The following SUGCT variants were observed in gnomAD, a reference collection of about 807,000 sequenced individuals.
SUGCT encodes succinyl-CoA:glutarate-CoA transferase.
SUGCT carries 41 observed loss-of-function variants against 55.0 expected under a neutral mutation model. That is an observed-to-expected ratio of 0.74 (90% CI 0.58 to 0.97). SUGCT has a LOEUF of 0.97. Ranked by LOEUF, SUGCT falls within the 50% of genes least tolerant of loss-of-function variation. SUGCT has a pLI of 0.00. For synonymous variants in SUGCT, 187 were observed against 200.4 expected (o/e 0.93, Z 0.56); for missense variants, 568 against 547.8 (o/e 1.04, Z -0.37).
At chr7:40,223,539 C>T (rs566040913) in intron 6 of SUGCT, among the ~76,000 whole-genome samples, 1 of 152,320 alleles carries the variant, frequency 6.6e-6, no homozygotes, top group Admixed American at 6.5e-5. Context: ...ACCAGGGCCA[C>T]CACATGTTTT....
chr7:40,493,366 A>T (rs543873216), intron 11 of SUGCT, among the ~76,000 whole-genome samples: 62 of 151,740 alleles, frequency 4.1e-4, no homozygotes, highest in South Asian at 1.9e-3. Context: ...ATTATTTCCA[A>T]CTCTCACCTT....
At chr7:40,452,845 G>GTGATC (rs2151434594) in intron 10 of SUGCT, among the ~76,000 whole-genome samples, 1 of 152,250 alleles carries the variant, frequency 6.6e-6, no homozygotes, top group African/African-American at 2.4e-5. Context: ...CCCGAGCACG[G>GTGATC]TGATCATACC....
At chr7:40,732,766 T>C (rs1469742325) in intron 12 of SUGCT, among the ~76,000 whole-genome samples, 1 of 152,144 alleles carries the variant, frequency 6.6e-6, no homozygotes, top group African/African-American at 2.4e-5. Context: ...TGACTATCCA[T>C]GCTGAAACAG....
intron 3 of SUGCT, among the ~76,000 whole-genome samples, chr7:40,185,364 A>T: frequency 6.6e-6 from 1 of 152,004 alleles, no homozygotes; most frequent in African/African-American, 2.4e-5. Context: ...TATTAATTTT[A>T]TAAATTGTTG....
chr7:40,325,590 C>T (rs1454111860), intron 9 of SUGCT, among the ~76,000 whole-genome samples: 1 of 152,106 alleles, frequency 6.6e-6, no homozygotes, highest in African/African-American at 2.4e-5. Flanking sequence ...GGTTTTAAAA[C>T]TTGTTTCTGT....
chr7:40,716,978 A>G (rs1786056215), intron 12 of SUGCT, among the ~76,000 whole-genome samples: 1 of 152,190 alleles, frequency 6.6e-6, no homozygotes, highest in African/African-American at 2.4e-5. Context: ...AACAAAGTAT[A>G]GTAGAAAACT....
intron 11 of SUGCT, among the ~76,000 whole-genome samples, chr7:40,485,741 G>A (rs1192734697): frequency 1.3e-5 from 2 of 152,058 alleles, no homozygotes; most frequent in Non-Finnish European, 1.5e-5. Flanking sequence ...TTTGTGGAGG[G>A]TTTTTATCAT....
At chr7:40,194,712 A>C (rs985680126) in intron 5 of SUGCT, among the ~76,000 whole-genome samples, 1 of 152,268 alleles carries the variant, frequency 6.6e-6, no homozygotes, top group Non-Finnish European at 1.5e-5. Flanking sequence ...TGCAGAATCC[A>C]TTCTGCATGT....
the SUGCT span, among the ~76,000 whole-genome samples, chr7:40,989,174 T>C: frequency 6.6e-6 from 1 of 152,132 alleles, no homozygotes; most frequent in African/African-American, 2.4e-5. Flanking sequence ...GATCTAAATA[T>C]GATGACAATG....
intron 12 of SUGCT, among the ~76,000 whole-genome samples, chr7:40,707,249 T>TA (rs34544373): frequency 0.27 from 40,027 of 150,040 alleles, 5,409 homozygotes; most frequent in Middle Eastern, 0.36. Flanking sequence ...TTTTTTTTTT[T>TA]AAAAAGGCAG....
chr7:40,393,032 T>C (rs1037382051), intron 9 of SUGCT, among the ~76,000 whole-genome samples: 1 of 152,180 alleles, frequency 6.6e-6, no homozygotes, highest in Non-Finnish European at 1.5e-5. Flanking sequence ...CAAATGGTGA[T>C]AGTCAACAGA....
At chr7:40,795,241 A>G (rs1302865801) in intron 13 of SUGCT, among the ~76,000 whole-genome samples, 1 of 152,062 alleles carries the variant, frequency 6.6e-6, no homozygotes, top group Non-Finnish European at 1.5e-5. Context: ...GACTTCCCCA[A>G]AGCCATAGAG....
chr7:40,171,356 A>G (rs1467561289), intron 1 of SUGCT, among the ~76,000 whole-genome samples: 1 of 152,164 alleles, frequency 6.6e-6, no homozygotes, highest in Admixed American at 6.5e-5. Flanking sequence ...TCGCTTTTAC[A>G]AGTGTTTCCC....
intron 12 of SUGCT, among the ~76,000 whole-genome samples, chr7:40,550,646 TTAAC>T (rs1443792411): frequency 1.3e-5 from 2 of 152,212 alleles, no homozygotes; most frequent in African/African-American, 4.8e-5. Context: ...GGCAAAAGCA[TTAAC>T]TAAAGGTACT....
At chr7:40,721,491 A>G (rs1786336599) in intron 12 of SUGCT, among the ~76,000 whole-genome samples, 1 of 152,210 alleles carries the variant, frequency 6.6e-6, no homozygotes, top group Non-Finnish European at 1.5e-5. Flanking sequence ...CAATGCATGG[A>G]ATTTTATTTG....
intron 13 of SUGCT, among the ~76,000 whole-genome samples, chr7:40,842,550 A>G (rs530517584): frequency 1.3e-5 from 2 of 152,180 alleles, no homozygotes; most frequent in Non-Finnish European, 2.9e-5. Context: ...ATTCTTGTTT[A>G]TTTCTGAAAA....
chr7:40,507,585 A>G (rs1792678360), intron 12 of SUGCT, among the ~76,000 whole-genome samples: 1 of 152,120 alleles, frequency 6.6e-6, no homozygotes, highest in South Asian at 2.1e-4. Context: ...CCCAGCCTTT[A>G]GATATGGACA....
chr7:40,878,901 C>T, the SUGCT span, among the ~76,000 whole-genome samples: 2 of 150,950 alleles, frequency 1.3e-5, no homozygotes, highest in Admixed American at 6.6e-5. Flanking sequence ...TCAAATGATT[C>T]TCCTGCCTCA....
rs1159455003 is a variant in SUGCT, at chr7:40,749,370, T to C, written c.1090-64T>C. Reference sequence around the variant, plus strand: ...TGTCGACTGAATAGATGGCTGTCCATGCCTTGCAATTGAAGATGGTTTTAT... The same window carrying C: ...TGTCGACTGAATAGATGGCTGTCCACGCCTTGCAATTGAAGATGGTTTTAT... On this transcript the variant is annotated intron_variant, in intron 12 of 13. Transcript: ENST00000335693. The C allele has an allele frequency of 5.4e-6, 7 of 1,285,966 alleles. No individual in the cohort carries two copies. In the Admixed American group the frequency reaches 1.2e-4, roughly 22 times the overall value. The allele number at this position is 1,285,966 out of a possible 1,614,324, so 79.7% of individuals were successfully genotyped here. A position where few individuals can be genotyped will look rare whatever the true frequency, so the allele number is the denominator to read the frequency against.
Sources: gnomAD v4.1 joint callset for allele counts (sites outside exome capture counted in the v4.1 genomes callset) on GRCh38, gnomAD v4.1.1 for gene constraint, MANE v1.5 for transcripts, NCBI Gene and HGNC (gene_info 2026-07-23, HGNC 2026-07-21) for gene names.